The following AGK variants were observed in gnomAD, a reference collection of about 807,000 sequenced individuals.
AGK encodes acylglycerol kinase, mitochondrial.
AGK carries 52 observed loss-of-function variants against 66.4 expected under a neutral mutation model. That is an observed-to-expected ratio of 0.78 (90% CI 0.63 to 0.99). The LOEUF is 0.99. Among genes scored for constraint, AGK ranks in the 50% least tolerant of loss-of-function variants. AGK has a pLI of 0.00. For missense variants in AGK, 451 were observed against 506.6 expected, an observed-to-expected ratio of 0.89 and a Z score of 1.05; for synonymous variants, 182 against 181.1, an observed-to-expected ratio of 1.00 and a Z score of -0.04.
intron 4 of AGK, 72 bp downstream of exon 4, chr7:141,596,713 C>G: frequency 7.5e-7 from 1 of 1,342,046 alleles, no homozygotes; most frequent in Non-Finnish European, 1.1e-6. Context: ...TATCAGGCAG[C>G]TAGTGAGATT....
intron 1 of AGK, among the ~76,000 whole-genome samples, chr7:141,552,507 G>A (rs1045930958): frequency 1.3e-5 from 2 of 152,142 alleles, no homozygotes; most frequent in Non-Finnish European, 2.9e-5. Flanking sequence ...AGACTCTTGC[G>A]GGAAGGGGCA....
In AGK at chr7:141,653,202, C is replaced by G; in HGVS notation, c.*278C>G. 5.6e-6 allele frequency: 2 copies of G among 354,320 alleles called. No individual in the cohort carries two copies. Among genetic ancestry groups the G allele is most frequent in the Non-Finnish European group, 1.1e-5 (2 of 186,822 alleles). 21.9% of individuals were successfully genotyped at this position (354,320 alleles called of 1,614,324 possible). A position where few individuals can be genotyped will look rare whatever the true frequency, so the allele number is the denominator to read the frequency against. Reference sequence around the variant, plus strand: ...CTGGTTCAAGACGGAAAAGGACTTTCTTCTGTTTTCTTCCAAAGTGCAACC... The same window carrying G: ...CTGGTTCAAGACGGAAAAGGACTTTGTTCTGTTTTCTTCCAAAGTGCAACC... On this transcript the variant is annotated 3_prime_UTR_variant, in exon 16 of 16. Transcript: ENST00000649286.
intron 5 of AGK, among the ~76,000 whole-genome samples, chr7:141,606,410 G>C (rs966614421): frequency 9.2e-5 from 14 of 152,018 alleles, no homozygotes; most frequent in African/African-American, 3.1e-4. Context: ...TGTTGTTGTC[G>C]ATATATCATA....
intron 1 of AGK, among the ~76,000 whole-genome samples, chr7:141,551,838 T>C (rs1437655512): frequency 6.6e-6 from 1 of 152,178 alleles, no homozygotes; most frequent in Non-Finnish European, 1.5e-5. Flanking sequence ...TCTGGCGCTT[T>C]ACTAGGTTCT....
At chr7:141,589,480 T>C (rs1796061770) in intron 2 of AGK, among the ~76,000 whole-genome samples, 2 of 152,190 alleles carry the variant, frequency 1.3e-5, no homozygotes, top group Admixed American at 1.3e-4. Context: ...TGAGGATGTG[T>C]TTGATTTTTA....
At chr7:141,637,852 A>G (rs1797207023) in intron 11 of AGK, among the ~76,000 whole-genome samples, 2 of 152,196 alleles carry the variant, frequency 1.3e-5, no homozygotes, top group African/African-American at 2.4e-5. Flanking sequence ...GGCTGGATTA[A>G]AAAATTAAAT....
At chr7:141,623,111 G>A (rs766712028) in intron 9 of AGK, among the ~76,000 whole-genome samples, 2 of 152,164 alleles carry the variant, frequency 1.3e-5, no homozygotes, top group Non-Finnish European at 2.9e-5. Context: ...CTGGTGCAGT[G>A]GCTCATGCCT....
chr7:141,620,273 T>G (rs1305408128), intron 8 of AGK, among the ~76,000 whole-genome samples: 1 of 152,160 alleles, frequency 6.6e-6, no homozygotes, highest in Non-Finnish European at 1.5e-5. Context: ...GACTGCAGCT[T>G]TTGTCAAAAT....
At chr7:141,639,560 T>G (rs2117009868) in intron 11 of AGK, among the ~76,000 whole-genome samples, 1 of 152,246 alleles carries the variant, frequency 6.6e-6, no homozygotes, top group African/African-American at 2.4e-5. Context: ...GAGTAAAGGG[T>G]AGGTCCAGAT....
At chr7:141,596,177 T>C (rs1383765968) in intron 3 of AGK, among the ~76,000 whole-genome samples, 4 of 152,182 alleles carry the variant, frequency 2.6e-5, no homozygotes, top group South Asian at 2.1e-4. Flanking sequence ...ATGAACAAAT[T>C]TTAGTAATGA....
At chr7:141,572,805 G>C (rs559726260) in intron 2 of AGK, among the ~76,000 whole-genome samples, 77 of 141,940 alleles carry the variant, frequency 5.4e-4, no homozygotes, top group Middle Eastern at 3.5e-3. Flanking sequence ...ACAGGCTATG[G>C]GGGGGGGAAA....
intron 2 of AGK, among the ~76,000 whole-genome samples, chr7:141,570,481 G>A (rs1795576779): frequency 6.6e-6 from 1 of 151,900 alleles, no homozygotes; most frequent in Non-Finnish European, 1.5e-5. Context: ...GATGTCTAAA[G>A]AAAAAAATTA....
chr7:141,599,591 T>G (rs1796299702), intron 4 of AGK, among the ~76,000 whole-genome samples: 1 of 152,308 alleles, frequency 6.6e-6, no homozygotes, highest in African/African-American at 2.4e-5. Context: ...TTGTTGTGAT[T>G]GATATGGCAG....
chr7:141,596,276 A>G (rs1301108970), intron 3 of AGK, among the ~76,000 whole-genome samples: 3 of 152,238 alleles, frequency 2.0e-5, no homozygotes, highest in Admixed American at 2.0e-4. Context: ...ATATGTTATA[A>G]TAAACCTAGC....
rs1319496366 is a variant in AGK at position 141,647,655 on chromosome 7, TA to T, written c.976-1599del. Among the ~76,000 whole-genome samples the T allele has an allele frequency of 3.9e-5, 6 of 151,920 alleles. No individual in the cohort carries two copies. The South Asian group carries it at 1.3e-3, about 32-fold the overall frequency. Reference sequence around the variant, plus strand: ...CTTGGGATGGGGCCAGAGTCTGAGTTAAAAAAAAATTATTTTTATTGATTGA... The same window carrying T: ...CTTGGGATGGGGCCAGAGTCTGAGTTAAAAAAAATTATTTTTATTGATTGA... On this transcript the variant is annotated intron_variant, in intron 13 of 15. Transcript: ENST00000649286.
At position 141,555,486 on chromosome 7, in the gene AGK, C is replaced by T. The variant is rs772374736; in HGVS notation, c.20C>T (p.Thr7Met). MTVFFKTLRNHWKKTTA... is the reference protein window; with the variant it reads MTVFFKMLRNHWKKTTA... ...TAGAAGATGACGGTGTTCTTTAAAA[C>T]GCTTCGAAATCACTGGAAGAAAACT... The change falls in exon 2 of 16, where the codon ACG (threonine) becomes ATG (methionine). Residue 7 changes from threonine (T) to methionine (M), a missense_variant. Physicochemically the swap from Thr to Met is moderately conservative, Grantham distance 81 (BLOSUM62 -1). Transcript: ENST00000649286. This position sits in a 1 kb window ranked among gnomAD's most constrained non-coding sequence, Gnocchi z 4.2. 78 of 1,613,794 alleles carry T rather than the reference C, an allele frequency of 4.8e-5. No homozygotes were observed. The Middle Eastern group carries it at 4.9e-4, about 10-fold the overall frequency.
chr7:141,560,795 CTTTTTTTTT>C (rs71172604), intron 2 of AGK, among the ~76,000 whole-genome samples: 6 of 124,012 alleles, frequency 4.8e-5, no homozygotes, highest in Non-Finnish European at 9.9e-5. Context: ...GCCATTCTTT[CTTTTTTTTT>C]TTTTTTTTTT....
At chr7:141,570,499 AAAC>A (rs1376539582) in intron 2 of AGK, among the ~76,000 whole-genome samples, 2 of 152,206 alleles carry the variant, frequency 1.3e-5, no homozygotes, top group Non-Finnish European at 2.9e-5. Context: ...TTAATTTAAA[AAAC>A]TTTTTATTAT....
intron 11 of AGK, among the ~76,000 whole-genome samples, chr7:141,638,917 A>G (rs1390729637): frequency 6.6e-6 from 1 of 152,304 alleles, no homozygotes; most frequent in African/African-American, 2.4e-5. Flanking sequence ...TTCAAATGTC[A>G]TAAGTGTGTG....
Sources: gnomAD v4.1 joint callset for allele counts (sites outside exome capture counted in the v4.1 genomes callset) on GRCh38, gnomAD v4.1.1 for gene constraint, Gnocchi (gnomAD v3.1) non-coding constraint, MANE v1.5 for transcripts, NCBI Gene and HGNC (gene_info 2026-07-23, HGNC 2026-07-21) for gene names.